The following CDKAL1 variants were observed in gnomAD, a reference collection of about 807,000 sequenced individuals.
The protein encoded by CDKAL1 is threonylcarbamoyladenosine tRNA methylthiotransferase.
Under a neutral mutation model 68.2 loss-of-function variants are expected in CDKAL1, and 32 were observed. That is an observed-to-expected ratio of 0.47 (90% CI 0.35 to 0.63). The LOEUF (loss-of-function observed/expected upper bound fraction) is 0.63. Ranked by LOEUF, CDKAL1 falls within the 30% of genes least tolerant of loss-of-function variation. The pLI, the probability that CDKAL1 is intolerant of heterozygous loss-of-function variation, is 0.00. For missense variants in CDKAL1, 606 were observed against 696.7 expected (o/e 0.87, Z 1.47); for synonymous variants, 234 against 244.3 (o/e 0.96, Z 0.39).
intron 4 of CDKAL1, among the ~76,000 whole-genome samples, chr6:20,620,499 G>A (rs1201189415): frequency 6.6e-6 from 1 of 152,182 alleles, no homozygotes; most frequent in African/African-American, 2.4e-5. Context: ...GAAAGGTGAA[G>A]CTCCAGAGGT....
intron 7 of CDKAL1, among the ~76,000 whole-genome samples, chr6:20,763,858 T>TA (rs1774579493): frequency 6.6e-6 from 1 of 152,226 alleles, no homozygotes; most frequent in African/African-American, 2.4e-5. Context: ...ATCATGTTAA[T>TA]AGCAACAAGA....
chr6:21,184,823 ATTTTTTTT>A (rs34599800), intron 13 of CDKAL1, among the ~76,000 whole-genome samples: 1 of 101,648 alleles, frequency 9.8e-6, no homozygotes. Flanking sequence ...CGTGCAGCTA[ATTTTTTTT>A]TTTTTTTTTT....
intron 5 of CDKAL1, among the ~76,000 whole-genome samples, chr6:20,724,296 C>CT (rs1294582574): frequency 6.6e-6 from 1 of 152,120 alleles, no homozygotes; most frequent in African/African-American, 2.4e-5. Context: ...AAGGGAGTAG[C>CT]TTTTACATTA....
At chr6:21,174,550 AAAAACT>A (rs1294576876) in intron 13 of CDKAL1, among the ~76,000 whole-genome samples, 5 of 152,210 alleles carry the variant, frequency 3.3e-5, no homozygotes, top group Admixed American at 1.3e-4. Flanking sequence ...TTAAGAAAAC[AAAAACT>A]ACAAAAAAAT....
At chr6:20,856,648 A>G (rs574019641) in intron 9 of CDKAL1, among the ~76,000 whole-genome samples, 1 of 152,344 alleles carries the variant, frequency 6.6e-6, no homozygotes, top group Non-Finnish European at 1.5e-5. Flanking sequence ...ACAAAATTCT[A>G]CAAATGATTC....
At chr6:21,187,143 A>G (rs1260109555) in intron 13 of CDKAL1, among the ~76,000 whole-genome samples, 2 of 152,314 alleles carry the variant, frequency 1.3e-5, no homozygotes, top group East Asian at 3.9e-4. Flanking sequence ...CCACATTTTA[A>G]GTGCCCAGTG....
At chr6:21,215,885 C>T (rs1004652376) in intron 15 of CDKAL1, among the ~76,000 whole-genome samples, 2 of 152,102 alleles carry the variant, frequency 1.3e-5, no homozygotes, top group African/African-American at 4.8e-5. Flanking sequence ...ATTAGGGTTG[C>T]ATATGGAATT....
intron 9 of CDKAL1, among the ~76,000 whole-genome samples, chr6:20,875,656 C>T (rs1581743691): frequency 6.6e-6 from 1 of 151,722 alleles, no homozygotes; most frequent in African/African-American, 2.4e-5. Flanking sequence ...AATGTGTTCT[C>T]TGTCTCTATT....
chr6:20,837,775 A>AAT (rs935805797), intron 8 of CDKAL1, among the ~76,000 whole-genome samples: 3 of 149,922 alleles, frequency 2.0e-5, no homozygotes, highest in African/African-American at 7.3e-5. Context: ...ACTTTTTATA[A>AAT]ATATATATAT....
At chr6:20,937,982 A>G (rs1400682911) in intron 9 of CDKAL1, among the ~76,000 whole-genome samples, 1 of 151,828 alleles carries the variant, frequency 6.6e-6, no homozygotes, top group African/African-American at 2.4e-5. Context: ...TCTGACAATT[A>G]TTACTTGTGG....
chr6:20,912,288 G>T (rs1389889975), intron 9 of CDKAL1, among the ~76,000 whole-genome samples: 1 of 152,084 alleles, frequency 6.6e-6, no homozygotes, highest in Non-Finnish European at 1.5e-5. Context: ...AGTTAAACTT[G>T]ACTTTGCTGC....
intron 5 of CDKAL1, among the ~76,000 whole-genome samples, chr6:20,709,369 C>T (rs947431611): frequency 6.6e-6 from 1 of 151,866 alleles, no homozygotes; most frequent in African/African-American, 2.4e-5. Flanking sequence ...CTAAAATTCA[C>T]AACATTTTGA....
At chr6:20,723,961 C>A (rs1392913229) in intron 5 of CDKAL1, among the ~76,000 whole-genome samples, 1 of 152,142 alleles carries the variant, frequency 6.6e-6, no homozygotes, top group Admixed American at 6.5e-5. Flanking sequence ...GAGACAGGGT[C>A]TTACTCTGTC....
intron 5 of CDKAL1, among the ~76,000 whole-genome samples, chr6:20,679,163 T>G (rs1473542204): frequency 6.6e-6 from 1 of 152,234 alleles, no homozygotes; most frequent in Admixed American, 6.5e-5. Flanking sequence ...ACCCTCCTCC[T>G]GCCCTGGCCT....
Position 20,539,444 on chromosome 6 carries a change from C to G in CDKAL1, c.-6+4050C>G, listed in dbSNP as rs1763303621. 1.3e-5 allele frequency among the ~76,000 whole-genome samples: 2 copies of G among 152,004 alleles called. No homozygotes were observed. Among genetic ancestry groups the G allele is most frequent in the African/African-American group, 2.4e-5 (1 of 41,372 alleles). On this transcript the variant is annotated intron_variant, in intron 2 of 15. Coordinates refer to ENST00000274695, the MANE Select transcript of CDKAL1 (RefSeq NM_017774.3). This position sits in a 1 kb window ranked among gnomAD's most constrained non-coding sequence, Gnocchi z 4.3. ...AACATTTTAAGCAGATGATTAAATG[C>G]TACAGTTTAAAAAAAGGCAGGAAAG...
intron 8 of CDKAL1, among the ~76,000 whole-genome samples, chr6:20,823,690 A>G (rs1302192182): frequency 6.6e-6 from 1 of 152,186 alleles, no homozygotes; most frequent in East Asian, 1.9e-4. Flanking sequence ...TATTTCAGAA[A>G]AATTGGATTC....
intron 9 of CDKAL1, among the ~76,000 whole-genome samples, chr6:20,849,837 C>T (rs1352714179): frequency 3.3e-5 from 5 of 152,016 alleles, no homozygotes; most frequent in Non-Finnish European, 5.9e-5. Flanking sequence ...ATGCTACGGG[C>T]GGCCTTATAA....
At chr6:20,655,512 G>C (rs903161912) in intron 5 of CDKAL1, among the ~76,000 whole-genome samples, 1 of 152,192 alleles carries the variant, frequency 6.6e-6, no homozygotes, top group Non-Finnish European at 1.5e-5. Context: ...AGTGGTAGGC[G>C]AGCAAGCATT....
chr6:21,144,106 C>G (rs1292345718), intron 13 of CDKAL1, among the ~76,000 whole-genome samples: 2 of 152,116 alleles, frequency 1.3e-5, no homozygotes, highest in South Asian at 2.1e-4. Context: ...GTGCCCAAAT[C>G]ATCATGTTAG....
Sources: gnomAD v4.1 joint callset for allele counts (sites outside exome capture counted in the v4.1 genomes callset) on GRCh38, gnomAD v4.1.1 for gene constraint, Gnocchi (gnomAD v3.1) non-coding constraint, MANE v1.5 for transcripts, NCBI Gene and HGNC (gene_info 2026-07-23, HGNC 2026-07-21) for gene names.